VPS13B: variants seen among roughly 807,000 people sequenced by gnomAD.
The protein encoded by VPS13B is intermembrane lipid transfer protein VPS13B.
Under a neutral mutation model 426.4 loss-of-function variants are expected in VPS13B, and 285 were observed. The observed-to-expected ratio is 0.67, with a 90% CI of 0.61 to 0.74. VPS13B has a LOEUF of 0.74. Ranked by LOEUF, VPS13B falls within the 30% of genes least tolerant of loss-of-function variation. The probability of loss-of-function intolerance (pLI) is 0.00; values close to 1 mark genes in which losing one functional copy is unlikely to be tolerated. For missense variants in VPS13B, 4,537 were observed against 4,782.6 expected (o/e 0.95, Z 1.51); for synonymous variants, 1,676 against 1,676.4 (o/e 1.00, Z 0.01).
chr8:99,556,504 A>G lies in VPS13B; in HGVS notation c.4800A>G (p.Arg1600=). The G allele has an allele frequency of 6.2e-7, 1 of 1,613,220 alleles. No homozygotes were observed. Among genetic ancestry groups the G allele is most frequent in the South Asian group, 1.1e-5 (1 of 91,060 alleles). Residue 1600 remains arginine, a synonymous_variant, in exon 31 of 62, where the codon AGA becomes AGG. Transcript: ENST00000357162. The part of the protein sequence containing the change: ...LRDPGSEIED[R]QYQIDLQSIN... The stretch of plus-strand genomic sequence containing the variant: ...ATCCTGGATCAGAAATCGAAGACAG[A>G]CAATACCAAATAGATCTGCAGTCCA...
At position 99,166,352 on chromosome 8, in the gene VPS13B, G is replaced by A. The variant is rs193124765; in HGVS notation, c.2209-3687G>A. On this transcript the variant is annotated intron_variant, in intron 15 of 61. Coordinates refer to ENST00000357162, the MANE Select transcript of VPS13B (RefSeq NM_152564.5). Reference sequence around the variant, plus strand: ...GGAGGGACAACATTTCACCTAATTGGGATTTCAACTTATTGTTCCCACCAT... The same window carrying A: ...GGAGGGACAACATTTCACCTAATTGAGATTTCAACTTATTGTTCCCACCAT... Among the ~76,000 whole-genome samples, 24 of 152,192 alleles carry A rather than the reference G, an allele frequency of 1.6e-4. No individual in the cohort carries two copies. The East Asian group carries it at 4.4e-3, about 28-fold the overall frequency.
intron 42 of VPS13B, among the ~76,000 whole-genome samples, chr8:99,780,349 G>C (rs1306919401): frequency 4.6e-5 from 7 of 152,124 alleles, no homozygotes; most frequent in African/African-American, 1.7e-4. Flanking sequence ...CTTGGTATCA[G>C]AACCATTATA....
At chr8:99,465,411 T>G (rs1009853238) in intron 23 of VPS13B, among the ~76,000 whole-genome samples, 1 of 152,020 alleles carries the variant, frequency 6.6e-6, no homozygotes, top group Middle Eastern at 3.2e-3. Context: ...AAAGGTTTTT[T>G]TTTTTTTTTT....
intron 59 of VPS13B, among the ~76,000 whole-genome samples, chr8:99,870,188 A>G (rs1817323539): frequency 6.6e-6 from 1 of 151,080 alleles, no homozygotes; most frequent in Non-Finnish European, 1.5e-5. Context: ...TTTTTTTTTT[A>G]GACACAGGGT....
chr8:99,378,335 G>T (rs1813610878), intron 19 of VPS13B, among the ~76,000 whole-genome samples: 1 of 152,016 alleles, frequency 6.6e-6, no homozygotes, highest in South Asian at 2.1e-4. Flanking sequence ...TGTTCTTAAG[G>T]TGCCCAGATT....
chr8:99,209,068 T>G (rs1588142489), intron 17 of VPS13B, among the ~76,000 whole-genome samples: 1 of 152,068 alleles, frequency 6.6e-6, no homozygotes, highest in South Asian at 2.1e-4. Flanking sequence ...ATCACAAGGT[T>G]GAGAGATCGA....
At chr8:99,521,105 C>A in intron 30 of VPS13B, 95 bp downstream of exon 30, 1 of 1,021,310 alleles carries the variant, frequency 9.8e-7, no homozygotes, top group Non-Finnish European at 1.5e-6. Context: ...AGAAATATTT[C>A]TCATTCAGGA....
chr8:99,689,577 G>A (rs1233530516), intron 35 of VPS13B, among the ~76,000 whole-genome samples: 3 of 152,214 alleles, frequency 2.0e-5, no homozygotes, highest in African/African-American at 7.2e-5. Context: ...CAGCTACTTA[G>A]GAGGCTGAGG....
At chr8:99,582,519 A>G (rs567728226) in intron 33 of VPS13B, among the ~76,000 whole-genome samples, 1 of 152,174 alleles carries the variant, frequency 6.6e-6, no homozygotes, top group African/African-American at 2.4e-5. Context: ...CTTATATCAT[A>G]TTCTTTTTTG....
intron 30 of VPS13B, 134 bp from the exon 31 acceptor site, chr8:99,556,316 T>A: frequency 9.9e-6 from 9 of 904,694 alleles, no homozygotes; most frequent in Non-Finnish European, 1.5e-5. Flanking sequence ...TTCATAGATG[T>A]GCCCCAGTTT....
chr8:99,697,447 G>A, intron 35 of VPS13B: 1 of 708,946 alleles, frequency 1.4e-6, no homozygotes, highest in Non-Finnish European at 2.6e-6. Flanking sequence ...AGATAACTAA[G>A]GAGGAAATCG....
At chr8:99,438,290 C>G (rs1817503230) in intron 22 of VPS13B, among the ~76,000 whole-genome samples, 1 of 152,028 alleles carries the variant, frequency 6.6e-6, no homozygotes, top group Non-Finnish European at 1.5e-5. Context: ...AAATCTAGAG[C>G]ATGACTAGTG....
At chr8:99,234,463 G>A in intron 17 of VPS13B, 1 of 580,644 alleles carries the variant, frequency 1.7e-6, no homozygotes. Context: ...CTTTACCTTG[G>A]CCTCGCCGCC....
chr8:99,674,747 AT>A (rs1830857040), intron 35 of VPS13B, among the ~76,000 whole-genome samples: 1 of 152,022 alleles, frequency 6.6e-6, no homozygotes, highest in South Asian at 2.1e-4. Flanking sequence ...CTGCATGGTT[AT>A]CATGAGGCAT....
At chr8:99,594,908 A>T (rs887837566) in intron 33 of VPS13B, among the ~76,000 whole-genome samples, 2 of 152,004 alleles carry the variant, frequency 1.3e-5, no homozygotes, top group Non-Finnish European at 2.9e-5. Context: ...TTACATAACC[A>T]ATCTTCATGA....
intron 19 of VPS13B, chr8:99,348,037 A>G (rs1811639716): frequency 6.6e-6 from 1 of 152,276 alleles, no homozygotes; most frequent in Non-Finnish European, 1.5e-5. Context: ...GGTCCATAGT[A>G]TCCTGAATGC....
At chr8:99,720,647 T>C in intron 38 of VPS13B, 95 bp downstream of exon 38, 1 of 1,357,482 alleles carries the variant, frequency 7.4e-7, no homozygotes, top group South Asian at 1.2e-5. Flanking sequence ...AGATGGCTTT[T>C]TAAAGTGCGT....
At chr8:99,583,948 T>C (rs1302502489) in intron 33 of VPS13B, among the ~76,000 whole-genome samples, 1 of 152,026 alleles carries the variant, frequency 6.6e-6, no homozygotes, top group East Asian at 1.9e-4. Flanking sequence ...GGAAAGGAGA[T>C]GGGAATTTTG....
At chr8:99,147,392 G>A (rs1009045784) in intron 13 of VPS13B, among the ~76,000 whole-genome samples, 2 of 152,170 alleles carry the variant, frequency 1.3e-5, no homozygotes, top group Non-Finnish European at 1.5e-5. Flanking sequence ...GATTACAGGT[G>A]TGAGACTATT....
Sources: allele counts gnomAD v4.1 joint callset (sites outside exome capture counted in the v4.1 genomes callset), GRCh38; gene constraint gnomAD v4.1.1; transcripts MANE v1.5; gene names NCBI Gene and HGNC (gene_info 2026-07-23, HGNC 2026-07-21).